BRD2: variants seen among roughly 807,000 people sequenced by gnomAD.
BRD2 encodes the protein bromodomain containing 2.
Under a neutral mutation model 79.1 loss-of-function variants are expected in BRD2, and 15 were observed. The observed-to-expected ratio is 0.19, with a 90% CI of 0.13 to 0.29. The LOEUF (loss-of-function observed/expected upper bound fraction) is 0.29. BRD2 is among the 10% of genes least tolerant of loss of function. BRD2 has a pLI of 1.00. For synonymous variants in BRD2, 488 were observed against 358.6 expected (o/e 1.36, Z -4.08); for missense variants, 1,053 against 991.3 (o/e 1.06, Z -0.84).
At chr6:32,969,218 C>A in intron 1 of BRD2, 162 bp downstream of exon 1, 1 of 474,358 alleles carries the variant, frequency 2.1e-6, no homozygotes, top group Non-Finnish European at 3.8e-6. Flanking sequence ...GGGGGGCGAG[C>A]GGGAGAGGGC....
intron 1 of BRD2, among the ~76,000 whole-genome samples, chr6:32,970,012 A>AGGAT (rs2127496603): frequency 6.6e-6 from 1 of 152,182 alleles, no homozygotes; most frequent in South Asian, 2.1e-4. Flanking sequence ...GGGGGAAGGG[A>AGGAT]GGATAGAGGA....
chr6:32,971,788 G>A lies in BRD2; in HGVS notation c.-1111G>A, dbSNP rs1778012019. The A allele has an allele frequency of 3.2e-6, 2 of 630,404 alleles. No homozygotes were observed. The highest frequency in any genetic ancestry group is 1.8e-5 in the African/African-American group (1 of 54,772). 39.1% of individuals were successfully genotyped at this position (630,404 alleles called of 1,614,324 possible). A position where few individuals can be genotyped will look rare whatever the true frequency, so the allele number is the denominator to read the frequency against. On this transcript the variant is annotated 5_prime_UTR_variant, in exon 2 of 13. It introduces an in-frame stop codon into an upstream open reading frame of the 5' UTR. Transcript: ENST00000374825. The stretch of plus-strand genomic sequence containing the variant: ...CCAGTTGGGCTGTGCATGGAAGCTT[G>A]GGAAGACTTTGTTGGAAGGGGAGGC...
At chr6:32,969,469 T>G (rs1184728456) in intron 1 of BRD2, 2 of 627,638 alleles carry the variant, frequency 3.2e-6, no homozygotes, top group East Asian at 5.6e-5. Flanking sequence ...ACCCATGTTG[T>G]GAACTGAGGT....
At position 32,972,925 on chromosome 6, in the gene BRD2, T is replaced by G. The variant is rs748797118; in HGVS notation, c.27T>G (p.Asn9Lys). 6.2e-7 allele frequency: 1 copy of G among 1,613,934 alleles called. No homozygotes were observed. Among genetic ancestry groups the G allele is most frequent in the South Asian group, 1.1e-5 (1 of 91,080 alleles). The part of the protein sequence containing the change: MLQNVTPH[N>K]KLPGEGNAGL... The stretch of plus-strand genomic sequence containing the variant: ...TGCTGCAAAACGTGACTCCCCACAA[T>G]AAGTACGTTTCCGCGAGCCGCGTGT... Residue 9 changes from asparagine to lysine, a missense_variant and splice_region_variant, in exon 2 of 13, where the codon AAT becomes AAG. Coordinates refer to ENST00000374825, the MANE Select transcript of BRD2 (RefSeq NM_005104.4).
At position 32,972,074 on chromosome 6, in the gene BRD2, A is replaced by G. The variant is rs1438416602; in HGVS notation, c.-825A>G. The G allele has an allele frequency of 1.4e-6, 1 of 696,702 alleles. No individual in the cohort carries two copies. Among genetic ancestry groups the G allele is most frequent in the East Asian group, 2.7e-5 (1 of 37,012 alleles). The allele number at this position is 696,702 out of a possible 1,614,324, so 43.2% of individuals were successfully genotyped here. On this transcript the variant is annotated 5_prime_UTR_variant, in exon 2 of 13. Transcript: ENST00000374825. ...CCTTCCCCTTCGACTCAGCTTCTTC[A>G]CCCGCGTGAGCGAGCGCGCGCGCGC... is the stretch of plus-strand genomic sequence containing the variant.
At position 32,974,778 on chromosome 6, in the gene BRD2, A is replaced by T. The variant is rs368561327; in HGVS notation, c.333+13A>T. 2 of 1,610,244 alleles carry T rather than the reference A, an allele frequency of 1.2e-6. No homozygotes were observed. The highest frequency in any genetic ancestry group is 1.3e-5 in the African/African-American group (1 of 74,874). ...ACTGGGTCTACCGGTGAGTAGAGAC[A>T]TTGGAGCCGGGGAGGTGTGGGATGA... is the stretch of plus-strand genomic sequence containing the variant. On this transcript the variant is annotated intron_variant, in intron 3 of 12. Coordinates refer to ENST00000374825, the MANE Select transcript of BRD2 (RefSeq NM_005104.4).
At chr6:32,973,079 G>T in intron 2 of BRD2, 152 bp downstream of exon 2, 1 of 1,580,572 alleles carries the variant, frequency 6.3e-7, no homozygotes, top group Non-Finnish European at 8.6e-7. Flanking sequence ...TTGAGCGACG[G>T]TTTTGGAACG....
chr6:32,978,107 C>T lies in BRD2; in HGVS notation c.1579-19C>T. On this transcript the variant is annotated intron_variant, in intron 9 of 12. Transcript: ENST00000374825. Reference sequence around the variant, plus strand: ...TTATCTTTATTTACTTTTTCCACTTCATGTTTTTTTTCCTTTAGCTTCGGG... The same window carrying T: ...TTATCTTTATTTACTTTTTCCACTTTATGTTTTTTTTCCTTTAGCTTCGGG... The T allele has an allele frequency of 2.5e-6, 4 of 1,594,922 alleles. No individual in the cohort carries two copies. The highest frequency in any genetic ancestry group is 3.4e-6 in the Non-Finnish European group (4 of 1,173,876).
At chr6:32,974,436 C>T (rs376046629) in intron 2 of BRD2, 26 bp from the exon 3 acceptor site, 5 of 1,594,852 alleles carry the variant, frequency 3.1e-6, no homozygotes, top group Non-Finnish European at 4.3e-6. Context: ...GACGATATTG[C>T]CCTAATTTTG....
In BRD2 at chr6:32,978,383, C is replaced by T. The variant is rs1345601767; in HGVS notation, c.1836C>T (p.Gly612=). Residue 612 remains glycine (G), a synonymous_variant, in exon 10 of 13, where the codon GGC becomes GGT. Transcript: ENST00000374825. The part of the protein sequence containing the change: ...PSGFGPSGGS[G]TKLPKKATKT... ...GCTTTGGACCTTCTGGAGGAAGTGG[C>T]ACCAAGTGAGTTAGAGTAGGAAGCA... 1 of 1,611,758 alleles carries T rather than the reference C, an allele frequency of 6.2e-7. No individual in the cohort carries two copies. The highest frequency in any genetic ancestry group is 8.5e-7 in the Non-Finnish European group (1 of 1,179,600).
Position 32,972,773 on chromosome 6 carries a change from G to C in BRD2, c.-126G>C. 6.9e-7 allele frequency: 1 copy of C among 1,445,310 alleles called. No homozygotes were observed. The highest frequency in any genetic ancestry group is 9.6e-7 in the Non-Finnish European group (1 of 1,041,660). The allele number at this position is 1,445,310 out of a possible 1,614,324, so 89.5% of individuals were successfully genotyped here. ...GTGCCGGCCAGGCAGGGGGTTTGTCGCCTGGAGGCCCAAGAGGAACGGCCT... is the reference window on the plus strand; with the variant it reads ...GTGCCGGCCAGGCAGGGGGTTTGTCCCCTGGAGGCCCAAGAGGAACGGCCT... On this transcript the variant is annotated 5_prime_UTR_variant, in exon 2 of 13. Coordinates refer to ENST00000374825, the MANE Select transcript of BRD2 (RefSeq NM_005104.4).
rs955305019 is a variant in BRD2, at chr6:32,972,193, G to C, written c.-706G>C. On this transcript the variant is annotated 5_prime_UTR_variant, in exon 2 of 13. Transcript: ENST00000374825. ...ATATAAAGGGCTGGCGCGGGGCTCG[G>C]CGGCGCCATTTCGTGCTGGAGTGGA... 1.3e-5 allele frequency: 7 copies of C among 555,184 alleles called. No homozygotes were observed. Among genetic ancestry groups the C allele is most frequent in the African/African-American group, 1.9e-5 (1 of 52,850 alleles). 34.4% of individuals were successfully genotyped at this position (555,184 alleles called of 1,614,324 possible).
chr6:32,972,775 C>T lies in BRD2; in HGVS notation c.-124C>T, dbSNP rs11555088. The T allele has an allele frequency of 4.8e-6, 7 of 1,458,712 alleles. No individual in the cohort carries two copies. Among genetic ancestry groups the T allele is most frequent in the Middle Eastern group, 3.6e-4 (2 of 5,542 alleles). 90.4% of individuals were successfully genotyped at this position (1,458,712 alleles called of 1,614,324 possible). A position where few individuals can be genotyped will look rare whatever the true frequency, so the allele number is the denominator to read the frequency against. ...GCCGGCCAGGCAGGGGGTTTGTCGC[C>T]TGGAGGCCCAAGAGGAACGGCCTCC... On this transcript the variant is annotated 5_prime_UTR_variant, in exon 2 of 13. Transcript: ENST00000374825.
chr6:32,974,410 A>T (rs1451413437), intron 2 of BRD2, 52 bp from the exon 3 acceptor site: 2 of 1,556,508 alleles, frequency 1.3e-6, no homozygotes, highest in Non-Finnish European at 1.7e-6. Flanking sequence ...GTGCAGATGC[A>T]CTTTTTCCTC....
intron 2 of BRD2, among the ~76,000 whole-genome samples, chr6:32,973,619 G>GC (rs1778327843): frequency 6.6e-6 from 1 of 152,178 alleles, no homozygotes. Context: ...GATCGGAGGA[G>GC]CACCAGAGGG....
At chr6:32,977,625 A>G in intron 8 of BRD2, 55 bp downstream of exon 8, 2 of 1,608,130 alleles carry the variant, frequency 1.2e-6, no homozygotes, top group Non-Finnish European at 8.5e-7. Flanking sequence ...TTATTTTGTC[A>G]TGTGTGCTGC....
Position 32,972,710 on chromosome 6 carries a change from C to T in BRD2, c.-189C>T, listed in dbSNP as rs1031969344. ...GCCGTCTGCAGAGCGCGCCAAGCTG[C>T]CCGGAGCTCTCCGAGAGGCCCCAAA... On this transcript the variant is annotated 5_prime_UTR_variant, in exon 2 of 13. Coordinates refer to ENST00000374825, the MANE Select transcript of BRD2 (RefSeq NM_005104.4). 3 of 817,260 alleles carry T rather than the reference C, an allele frequency of 3.7e-6. No homozygotes were observed. Among genetic ancestry groups the T allele is most frequent in the African/African-American group, 1.7e-5 (1 of 58,366 alleles). 50.6% of individuals were successfully genotyped at this position (817,260 alleles called of 1,614,324 possible). A position where few individuals can be genotyped will look rare whatever the true frequency, so the allele number is the denominator to read the frequency against.
chr6:32,975,460 C>T lies in BRD2; in HGVS notation c.410C>T (p.Ala137Val), dbSNP rs772023621. The T allele has an allele frequency of 5.0e-6, 8 of 1,612,660 alleles. No homozygotes were observed. The highest frequency in any genetic ancestry group is 1.7e-5 in the Admixed American group (1 of 60,012). The part of the protein sequence containing the change: ...KRRLENNYYW[A>V]ASECMQDFNT... Reference sequence around the variant, plus strand: ...AGACTTGAAAACAATTATTATTGGGCTGCTTCAGAGTGTATGCAAGATTTT... The same window carrying T: ...AGACTTGAAAACAATTATTATTGGGTTGCTTCAGAGTGTATGCAAGATTTT... The change falls in exon 4 of 13, where the codon GCT (alanine) becomes GTT (valine). Residue 137 changes from alanine to valine, a missense_variant. Ala to Val is a moderately conservative substitution (Grantham distance 64). Coordinates refer to ENST00000374825, the MANE Select transcript of BRD2 (RefSeq NM_005104.4).
rs370485049 is a variant in BRD2, at chr6:32,972,862, C to T, written c.-37C>T. 1.9e-6 allele frequency: 3 copies of T among 1,613,906 alleles called. No homozygotes were observed. The highest frequency in any genetic ancestry group is 2.2e-5 in the South Asian group (2 of 91,084). The stretch of plus-strand genomic sequence containing the variant: ...GGGGAACCGAGGCCACCCGGACTTT[C>T]CGCGGCTGAGGGCAGCGCCGGTTCC... On this transcript the variant is annotated 5_prime_UTR_variant, in exon 2 of 13. Coordinates refer to ENST00000374825, the MANE Select transcript of BRD2 (RefSeq NM_005104.4).
Sources: allele counts gnomAD v4.1 joint callset (sites outside exome capture counted in the v4.1 genomes callset), GRCh38; gene constraint gnomAD v4.1.1; transcripts MANE v1.5; gene names NCBI Gene and HGNC (gene_info 2026-07-23, HGNC 2026-07-21).